KCNQ1: variants seen among roughly 807,000 people sequenced by gnomAD.
KCNQ1 encodes the protein potassium voltage-gated channel subfamily Q member 1, also known as potassium voltage-gated channel subfamily KQT member 1.
A neutral mutation model predicts 72.4 loss-of-function variants in KCNQ1; 49 were observed. That is an observed-to-expected ratio of 0.68 (90% CI 0.54 to 0.86). KCNQ1 has a LOEUF of 0.86. KCNQ1 is among the 40% of genes least tolerant of loss of function. KCNQ1 has a pLI of 0.00. For synonymous variants in KCNQ1, 450 were observed against 412.6 expected (o/e 1.09, Z -1.10); for missense variants, 790 against 945.1 (o/e 0.84, Z 2.15).
chr11:2,632,212 A>C, intron 10 of KCNQ1: 1 of 397,872 alleles, frequency 2.5e-6, no homozygotes, highest in Admixed American at 4.4e-5. Flanking sequence ...AAGAAATGCA[A>C]CTGAATTTTG....
rs551737431 is a variant in KCNQ1 at position 2,446,342 on chromosome 11, G to A, written c.386+858G>A. Among the ~76,000 whole-genome samples the A allele has an allele frequency of 1.9e-3, 293 of 152,304 alleles. 6 individuals carry two copies. The highest frequency in any genetic ancestry group is 0.019 in the South Asian group (90 of 4,830). On this transcript the variant is annotated intron_variant, in intron 1 of 15. Coordinates refer to ENST00000155840, the MANE Select transcript of KCNQ1 (RefSeq NM_000218.3). The surrounding 1 kb of genome is among the most constrained non-coding windows in gnomAD (Gnocchi z 8.8). The stretch of plus-strand genomic sequence containing the variant: ...CCTACTTCCTGGCTGCCCAGCCAGC[G>A]GCCTTTTGGTGTGGTGCCAGCCTCT...
chr11:2,812,996 C>G (rs748715734), intron 15 of KCNQ1, among the ~76,000 whole-genome samples: 15 of 152,272 alleles, frequency 9.9e-5, no homozygotes, highest in Non-Finnish European at 1.8e-4. Context: ...TCCCTCATTA[C>G]TGCCCCAGCC....
At chr11:2,569,818 A>T (rs6578274) in intron 2 of KCNQ1, among the ~76,000 whole-genome samples, 55,527 of 152,174 alleles carry the variant, frequency 0.36, 11,657 homozygotes, top group East Asian at 0.58. Flanking sequence ...CATCCACACT[A>T]TACAGCTGAG....
chr11:2,736,538 G>T (rs1845959621), intron 11 of KCNQ1, among the ~76,000 whole-genome samples: 1 of 152,184 alleles, frequency 6.6e-6, no homozygotes, highest in African/African-American at 2.4e-5. Flanking sequence ...AATGGCCCTA[G>T]GAGGGGGCTT....
rs3078947 is a variant in KCNQ1, at chr11:2,787,892, T to TGAAAAA, written c.1794+9860_1794+9861insAGAAAA. On this transcript the variant is annotated intron_variant, in intron 15 of 15. Transcript: ENST00000155840. This position sits in a 1 kb window ranked among gnomAD's most constrained non-coding sequence, Gnocchi z 6.3. ...AAATTTTAATTTTAATTTATTAAAATGAAAATTCCATTCCTGGATCTCAGT... is the reference window on the plus strand; with the variant it reads ...AAATTTTAATTTTAATTTATTAAAATGAAAAAGAAAATTCCATTCCTGGATCTCAGT... Among the ~76,000 whole-genome samples the TGAAAAA allele has an allele frequency of 6.6e-6, 1 of 152,158 alleles. No homozygotes were observed. Among genetic ancestry groups the TGAAAAA allele is most frequent in the Admixed American group, 6.5e-5 (1 of 15,284 alleles).
At chr11:2,779,653 G>A (rs1846783561) in intron 15 of KCNQ1, among the ~76,000 whole-genome samples, 1 of 152,176 alleles carries the variant, frequency 6.6e-6, no homozygotes, top group Non-Finnish European at 1.5e-5. Flanking sequence ...CATGGGACAG[G>A]CCACCCTCTA....
chr11:2,453,928 A>G (rs1457640350), intron 1 of KCNQ1, among the ~76,000 whole-genome samples: 1 of 152,210 alleles, frequency 6.6e-6, no homozygotes, highest in East Asian at 1.9e-4. Context: ...TGAAGTGATT[A>G]TCAGGATTTA....
rs968248965 is a variant in KCNQ1, at chr11:2,559,584, C to T, written c.478-11044C>T. ...GGCCCGGCTGCCCGGTGGATGGGAA[C>T]GGCCATCCCCATGACGACCCAGCAA... On this transcript the variant is annotated intron_variant, in intron 2 of 15. Transcript: ENST00000155840. This position sits in a 1 kb window ranked among gnomAD's most constrained non-coding sequence, Gnocchi z 4.9. 6.6e-6 allele frequency among the ~76,000 whole-genome samples: 1 copy of T among 152,312 alleles called. No individual in the cohort carries two copies. The highest frequency in any genetic ancestry group is 1.5e-5 in the Non-Finnish European group (1 of 68,024).
Position 2,645,796 on chromosome 11 carries a change from G to A in KCNQ1, c.1394-16165G>A, listed in dbSNP as rs1194856979. 1.3e-5 allele frequency: 5 copies of A among 398,600 alleles called. No homozygotes were observed. The highest frequency in any genetic ancestry group is 2.2e-5 in the Non-Finnish European group (5 of 226,170). 24.7% of individuals were successfully genotyped at this position (398,600 alleles called of 1,614,324 possible). ...GCCCACAGCAGATGCAGTCTGGTGG[G>A]GGTTGGGCTATCAAAATGGGACTTT... On this transcript the variant is annotated intron_variant, in intron 10 of 15. Coordinates refer to ENST00000155840, the MANE Select transcript of KCNQ1 (RefSeq NM_000218.3). This position sits in a 1 kb window ranked among gnomAD's most constrained non-coding sequence, Gnocchi z 5.8.
chr11:2,779,846 G>A (rs1453465850), intron 15 of KCNQ1, among the ~76,000 whole-genome samples: 2 of 152,344 alleles, frequency 1.3e-5, no homozygotes, highest in Non-Finnish European at 2.9e-5. Flanking sequence ...AGGGGCCAGC[G>A]CTGGCCTTGA....
intron 15 of KCNQ1, among the ~76,000 whole-genome samples, chr11:2,804,211 A>G (rs1167921391): frequency 2.0e-5 from 3 of 151,994 alleles, no homozygotes. Flanking sequence ...CAGCTCCCAC[A>G]CCACCCATGC....
Position 2,690,763 on chromosome 11 carries a change from T to C in KCNQ1, c.1514+28682T>C. On this transcript the variant is annotated intron_variant, in intron 11 of 15. Transcript: ENST00000155840. This position sits in a 1 kb window ranked among gnomAD's most constrained non-coding sequence, Gnocchi z 5.1. ...TATGATCCCAAATCCCTTAGGTGGA[T>C]GTGGCCTGGCAGGGGGTCAGCAGGA... is the stretch of plus-strand genomic sequence containing the variant. 1 of 398,660 alleles carries C rather than the reference T, an allele frequency of 2.5e-6. No homozygotes were observed. Among genetic ancestry groups the C allele is most frequent in the Admixed American group, 4.4e-5 (1 of 22,728 alleles). The allele number at this position is 398,660 out of a possible 1,614,324, so 24.7% of individuals were successfully genotyped here.
In KCNQ1 at chr11:2,713,637, G is replaced by A. The variant is rs1196025032; in HGVS notation, c.1514+51556G>A. Among the ~76,000 whole-genome samples, 3 of 152,172 alleles carry A rather than the reference G, an allele frequency of 2.0e-5. No homozygotes were observed. In the East Asian group the frequency reaches 5.8e-4, roughly 29 times the overall value. ...AAAAAGTGAGCTGACATTATGGGTC[G>A]GCCCCTGTTCTGGAGGCCACAGCCA... On this transcript the variant is annotated intron_variant, in intron 11 of 15. Coordinates refer to ENST00000155840, the MANE Select transcript of KCNQ1 (RefSeq NM_000218.3). This position sits in a 1 kb window ranked among gnomAD's most constrained non-coding sequence, Gnocchi z 5.6.
In KCNQ1 at chr11:2,835,851, G is replaced by A. The variant is rs186067422; in HGVS notation, c.1795-11916G>A. On this transcript the variant is annotated intron_variant, in intron 15 of 15. Transcript: ENST00000155840. ...TCAGCCTGCAGTGTCCAGGAGCGAC[G>A]GGAAGCCTCGTGGGGCTGTTGGGAG... 3.5e-3 allele frequency among the ~76,000 whole-genome samples: 540 copies of A among 152,310 alleles called. 4 individuals are homozygous for A. The highest frequency in any genetic ancestry group is 0.012 in the African/African-American group (501 of 41,558).
chr11:2,619,069 G>A (rs1849119034), intron 10 of KCNQ1: 1 of 398,290 alleles, frequency 2.5e-6, no homozygotes, highest in Non-Finnish European at 4.4e-6. Flanking sequence ...CTAACAGGTT[G>A]CTTTGTCAGA....
At chr11:2,452,339 A>G (rs1312752712) in intron 1 of KCNQ1, among the ~76,000 whole-genome samples, 1 of 152,046 alleles carries the variant, frequency 6.6e-6, no homozygotes, top group East Asian at 1.9e-4. Context: ...CGGCCCTGGA[A>G]TGCTCCTCTG....
rs1414447165 is a variant in KCNQ1, at chr11:2,798,563, A to T, written c.1794+20526A>T. On this transcript the variant is annotated intron_variant, in intron 15 of 15. Coordinates refer to ENST00000155840, the MANE Select transcript of KCNQ1 (RefSeq NM_000218.3). ...CCGAGTTCCCTGAAAAAAAAAAAAA[A>T]TACCCACTCTATTTCCTCATTAACA... Among the ~76,000 whole-genome samples the T allele has an allele frequency of 3.3e-5, 5 of 150,888 alleles. No homozygotes were observed. The East Asian group carries it at 7.8e-4, about 24-fold the overall frequency.
chr11:2,730,968 C>A (rs1845849354), intron 11 of KCNQ1, among the ~76,000 whole-genome samples: 1 of 152,218 alleles, frequency 6.6e-6, no homozygotes, highest in South Asian at 2.1e-4. Context: ...CTCCTCCCAG[C>A]CGCCGCTCTC....
rs186889967 is a variant in KCNQ1, at chr11:2,767,486, A to C, written c.1515-1358A>C. 6.6e-6 allele frequency among the ~76,000 whole-genome samples: 1 copy of C among 152,170 alleles called. No homozygotes were observed. Among genetic ancestry groups the C allele is most frequent in the South Asian group, 2.1e-4 (1 of 4,824 alleles). On this transcript the variant is annotated intron_variant, in intron 11 of 15. Coordinates refer to ENST00000155840, the MANE Select transcript of KCNQ1 (RefSeq NM_000218.3). The surrounding 1 kb of genome is among the most constrained non-coding windows in gnomAD (Gnocchi z 4.6). ...GCTGTTGGAAGTACCACACCTTTAG[A>C]TCTGTATGATCTCTCTTTTCCCTTG... is the stretch of plus-strand genomic sequence containing the variant.
Sources: allele counts gnomAD v4.1 joint callset (sites outside exome capture counted in the v4.1 genomes callset), GRCh38; gene constraint gnomAD v4.1.1; non-coding constraint Gnocchi (gnomAD v3.1); transcripts MANE v1.5; gene names NCBI Gene and HGNC (gene_info 2026-07-23, HGNC 2026-07-21).